GASK1A: variants seen among roughly 807,000 people sequenced by gnomAD.
GASK1A encodes golgi associated kinase 1A, also known as Golgi-associated kinase 1A.
In GASK1A, 40 loss-of-function variants were observed where a neutral mutation model predicts 41.2. The ratio of observed to expected loss-of-function variants is 0.97; its 90% CI spans 0.75 to 1.27. The LOEUF (loss-of-function observed/expected upper bound fraction) is 1.27, where lower values mean the gene tolerates loss of function less well. Ranked by LOEUF, GASK1A falls within the 50% of genes most tolerant of loss-of-function variation. The pLI is 0.00. For synonymous variants in GASK1A, 316 were observed against 307.1 expected (o/e 1.03, Z -0.30); for missense variants, 678 against 745.1 (o/e 0.91, Z 1.05).
chr3:42,988,443 T>C (rs1158561176), intron 1 of GASK1A, among the ~76,000 whole-genome samples: 1 of 151,908 alleles, frequency 6.6e-6, no homozygotes, highest in East Asian at 1.9e-4. Context: ...TTTCCAGAAA[T>C]GCCATCAGCC....
chr3:43,024,002 G>T (rs2089534329), intron 1 of GASK1A, among the ~76,000 whole-genome samples: 1 of 152,160 alleles, frequency 6.6e-6, no homozygotes, highest in African/African-American at 2.4e-5. Flanking sequence ...GGGGCAGCTG[G>T]AGTCAATCGG....
chr3:43,009,968 C>T (rs2089455314), intron 1 of GASK1A, among the ~76,000 whole-genome samples: 1 of 152,208 alleles, frequency 6.6e-6, no homozygotes, highest in Non-Finnish European at 1.5e-5. Context: ...TGGTCCAGTG[C>T]TTGGCATTAG....
chr3:43,031,976 T>C (rs980385961), intron 1 of GASK1A, among the ~76,000 whole-genome samples: 1 of 152,166 alleles, frequency 6.6e-6, no homozygotes, highest in African/African-American at 2.4e-5. Context: ...GGTGACAGTG[T>C]TGTAATGGCA....
At chr3:43,016,109 G>A (rs1169203366) in intron 1 of GASK1A, among the ~76,000 whole-genome samples, 1 of 152,048 alleles carries the variant, frequency 6.6e-6, no homozygotes, top group South Asian at 2.1e-4. Context: ...ACAGGAAGGG[G>A]CTGTGTGAAG....
chr3:42,997,441 G>A (rs931990094), intron 1 of GASK1A, among the ~76,000 whole-genome samples: 5 of 135,850 alleles, frequency 3.7e-5, no homozygotes, highest in African/African-American at 1.3e-4. Context: ...AGAGAGAGGG[G>A]GGGGGGATCT....
chr3:43,025,588 C>T (rs74778950), intron 1 of GASK1A, among the ~76,000 whole-genome samples: 3 of 152,098 alleles, frequency 2.0e-5, no homozygotes, highest in Non-Finnish European at 2.9e-5. Flanking sequence ...CAGAAGAATG[C>T]GGCTAAGTGA....
chr3:43,027,074 A>G (rs2089550475), intron 1 of GASK1A, among the ~76,000 whole-genome samples: 1 of 152,260 alleles, frequency 6.6e-6, no homozygotes, highest in Non-Finnish European at 1.5e-5. Flanking sequence ...ACAGTGGAGC[A>G]GAACCCATAA....
chr3:43,032,400 C>G lies in GASK1A; in HGVS notation c.137C>G (p.Pro46Arg). 1 of 1,551,624 alleles carries G rather than the reference C, an allele frequency of 6.4e-7. No individual in the cohort carries two copies. Among genetic ancestry groups the G allele is most frequent in the Non-Finnish European group, 8.7e-7 (1 of 1,146,906 alleles). The change falls in exon 2 of 5, where the codon CCC (proline) becomes CGC (arginine). Residue 46 changes from proline to arginine, a missense_variant. By Grantham distance (103) the Pro-to-Arg change is moderately radical (BLOSUM62 -2). Coordinates refer to ENST00000430121, the MANE Select transcript of GASK1A (RefSeq NM_001129908.3). ...CCATCCGCCGGCCCAGACCCTGGTCCCATGGAGCCTCAGGGGGTAACTGGC... is the reference window on the plus strand; with the variant it reads ...CCATCCGCCGGCCCAGACCCTGGTCGCATGGAGCCTCAGGGGGTAACTGGC... ...QRPSAGPDPG[P>R]MEPQGVTGAP...
intron 1 of GASK1A, among the ~76,000 whole-genome samples, chr3:43,029,598 C>T (rs2089564728): frequency 6.6e-6 from 1 of 152,152 alleles, no homozygotes; most frequent in South Asian, 2.1e-4. Flanking sequence ...CACACACTGG[C>T]TTCCTGCAGC....
chr3:42,986,931 T>C (rs532660166), intron 1 of GASK1A, among the ~76,000 whole-genome samples: 3 of 152,336 alleles, frequency 2.0e-5, no homozygotes, highest in African/African-American at 7.2e-5. Context: ...CTCCAGGTTC[T>C]TGTTCAGGCA....
intron 1 of GASK1A, among the ~76,000 whole-genome samples, chr3:42,980,178 C>T (rs993028067): frequency 6.6e-6 from 1 of 152,216 alleles, no homozygotes; most frequent in Non-Finnish European, 1.5e-5. Context: ...TCCTCTACCT[C>T]CCCGACAGGA....
At chr3:43,040,822 G>A (rs1029223875) in intron 2 of GASK1A, among the ~76,000 whole-genome samples, 2 of 148,304 alleles carry the variant, frequency 1.3e-5, no homozygotes, top group Non-Finnish European at 1.5e-5. Context: ...ATGCTGGTGC[G>A]CTGCACCCAC....
chr3:43,033,663 G>A, intron 2 of GASK1A, 110 bp downstream of exon 2: 1 of 1,060,394 alleles, frequency 9.4e-7, no homozygotes, highest in Non-Finnish European at 1.3e-6. Context: ...CCCAAGTCTT[G>A]GTTTTTTGAC....
chr3:43,030,953 A>C (rs548765514), intron 1 of GASK1A, among the ~76,000 whole-genome samples: 1 of 152,330 alleles, frequency 6.6e-6, no homozygotes, highest in South Asian at 2.1e-4. Context: ...TTCTCAGAAG[A>C]GCAAGCACAT....
At chr3:42,992,366 C>G (rs1184886684) in intron 1 of GASK1A, among the ~76,000 whole-genome samples, 1 of 152,210 alleles carries the variant, frequency 6.6e-6, no homozygotes, top group Admixed American at 6.5e-5. Flanking sequence ...CTTGGCAATA[C>G]CAGGGCCTCC....
chr3:43,055,336 C>G, intron 3 of GASK1A, 96 bp from the exon 4 acceptor site: 1 of 806,822 alleles, frequency 1.2e-6, no homozygotes, highest in Non-Finnish European at 2.0e-6. Flanking sequence ...ACTGACAGCT[C>G]AGGGCTGTCA....
At chr3:43,036,355 G>A (rs1162277439) in intron 2 of GASK1A, among the ~76,000 whole-genome samples, 5 of 152,174 alleles carry the variant, frequency 3.3e-5, no homozygotes, top group African/African-American at 4.8e-5. Context: ...TCCTGCACAG[G>A]AACCTTCTGA....
At chr3:43,013,061 GA>G (rs936799431) in intron 1 of GASK1A, among the ~76,000 whole-genome samples, 8 of 150,070 alleles carry the variant, frequency 5.3e-5, no homozygotes, top group Non-Finnish European at 8.9e-5. Flanking sequence ...AAGTCACAGG[GA>G]GGGGCAGAGG....
At chr3:43,042,208 A>G (rs1172268218) in intron 2 of GASK1A, among the ~76,000 whole-genome samples, 1 of 151,502 alleles carries the variant, frequency 6.6e-6, no homozygotes, top group Non-Finnish European at 1.5e-5. Context: ...GTGGCTTACA[A>G]CTGTAATCCC....
Sources: allele counts gnomAD v4.1 joint callset (sites outside exome capture counted in the v4.1 genomes callset), GRCh38; gene constraint gnomAD v4.1.1; transcripts MANE v1.5; gene names NCBI Gene and HGNC (gene_info 2026-07-23, HGNC 2026-07-21).